The following DPYSL3 variants were observed in gnomAD, a reference collection of about 807,000 sequenced individuals.
DPYSL3 encodes dihydropyrimidinase like 3.
A neutral mutation model predicts 66.1 loss-of-function variants in DPYSL3; 16 were observed. The ratio of observed to expected loss-of-function variants is 0.24; its 90% confidence interval spans 0.16 to 0.37. The LOEUF is 0.37. DPYSL3 is among the 10% of genes least tolerant of loss of function. The probability of loss-of-function intolerance (pLI) is 1.00; values close to 1 mark genes in which losing one functional copy is unlikely to be tolerated. For synonymous variants in DPYSL3, 338 were observed against 345.1 expected (o/e 0.98, Z 0.23); for missense variants, 738 against 916.2 (o/e 0.81, Z 2.51).
intron 1 of DPYSL3, among the ~76,000 whole-genome samples, chr5:147,445,583 C>T (rs944784182): frequency 2.0e-5 from 3 of 152,208 alleles, no homozygotes; most frequent in Admixed American, 6.5e-5. Flanking sequence ...AAAAACCATC[C>T]CTATCCTCAT....
intron 1 of DPYSL3, among the ~76,000 whole-genome samples, chr5:147,484,166 C>A (rs1195416726): frequency 6.6e-6 from 1 of 152,202 alleles, no homozygotes; most frequent in East Asian, 1.9e-4. Context: ...TGCTGCTGGC[C>A]ACTTCATTTG....
At chr5:147,470,482 A>T (rs544613320) in intron 1 of DPYSL3, among the ~76,000 whole-genome samples, 8 of 151,960 alleles carry the variant, frequency 5.3e-5, no homozygotes, top group African/African-American at 1.7e-4. Flanking sequence ...CAACCAGTTT[A>T]TCTCCTTCTT....
chr5:147,409,297 T>G (rs1751796115), intron 6 of DPYSL3, among the ~76,000 whole-genome samples: 1 of 152,236 alleles, frequency 6.6e-6, no homozygotes, highest in Admixed American at 6.5e-5. Flanking sequence ...ACTCATCACT[T>G]ACATCAGAAT....
chr5:147,397,335 G>A (rs895538954), intron 12 of DPYSL3, among the ~76,000 whole-genome samples: 1 of 151,670 alleles, frequency 6.6e-6, no homozygotes, highest in Admixed American at 6.6e-5. Context: ...GTGGATTCTC[G>A]GTTCTCACCT....
Position 147,412,679 on chromosome 5 carries a change from T to G in DPYSL3, c.892A>C (p.Ile298Leu). 6.2e-7 allele frequency: 1 copy of G among 1,611,270 alleles called. No individual in the cohort carries two copies. Among genetic ancestry groups the G allele is most frequent in the Non-Finnish European group, 8.5e-7 (1 of 1,178,650 alleles). The change falls in exon 6 of 14, where the codon ATC becomes CTC. Residue 298 changes from isoleucine (I) to leucine (L), a missense_variant. Ile to Leu is a conservative substitution (Grantham distance 5, BLOSUM62 2). Coordinates refer to ENST00000343218, the MANE Select transcript of DPYSL3 (RefSeq NM_001197294.2). ...YQVSNTELYE[I>L]FTCLGELGAI... ...CCCAGCTCTCCCAGGCAGGTGAAGA[T>G]CTCATAGAGCTGAAATAGAAATGAG... is the stretch of plus-strand genomic sequence containing the variant.
rs543838816 is a variant in DPYSL3 at position 147,397,655 on chromosome 5, A to C, written c.1803+11T>G. 2 of 1,611,302 alleles carry C rather than the reference A, an allele frequency of 1.2e-6. No individual in the cohort carries two copies. The highest frequency in any genetic ancestry group is 2.2e-5 in the South Asian group (2 of 90,906). On this transcript the variant is annotated intron_variant, in intron 12 of 13. Coordinates refer to ENST00000343218, the MANE Select transcript of DPYSL3 (RefSeq NM_001197294.2). ...GCTCCTGCACCACCTCAGAGCTCCA[A>C]TGCTTTTTACCTTCCTCCGTGCTTT... is the stretch of plus-strand genomic sequence containing the variant.
intron 1 of DPYSL3, among the ~76,000 whole-genome samples, chr5:147,450,600 GA>G (rs1400013497): frequency 6.6e-6 from 1 of 152,106 alleles, no homozygotes; most frequent in African/African-American, 2.4e-5. Flanking sequence ...CAGGGACACA[GA>G]AATCTCCCCC....
At chr5:147,433,863 C>A (rs1402995811) in intron 1 of DPYSL3, among the ~76,000 whole-genome samples, 1 of 152,078 alleles carries the variant, frequency 6.6e-6, no homozygotes, top group East Asian at 1.9e-4. Context: ...GAAACCCCGT[C>A]TCTACTAAAA....
chr5:147,413,706 T>A, intron 4 of DPYSL3, 49 bp from the exon 5 acceptor site: 3 of 1,479,490 alleles, frequency 2.0e-6, no homozygotes. Context: ...AACATTATCA[T>A]GACTGTCCTC....
chr5:147,405,834 G>A (rs1758313090), intron 7 of DPYSL3, 104 bp from the exon 8 acceptor site: 1 of 1,452,810 alleles, frequency 6.9e-7, no homozygotes, highest in Non-Finnish European at 9.2e-7. Context: ...AAAGGTTATG[G>A]ATAATTTTGG....
intron 1 of DPYSL3, among the ~76,000 whole-genome samples, chr5:147,506,048 T>C (rs897206178): frequency 2.0e-5 from 3 of 152,196 alleles, no homozygotes; most frequent in Non-Finnish European, 2.9e-5. Flanking sequence ...TTATAACCAT[T>C]TTCTGTGAGG....
chr5:147,471,732 T>C (rs1211280492), intron 1 of DPYSL3, among the ~76,000 whole-genome samples: 1 of 152,132 alleles, frequency 6.6e-6, no homozygotes, highest in Non-Finnish European at 1.5e-5. Flanking sequence ...TAAGGGTACA[T>C]AGAAACTCAT....
chr5:147,415,273 G>C (rs938787881), intron 4 of DPYSL3, among the ~76,000 whole-genome samples: 1 of 152,084 alleles, frequency 6.6e-6, no homozygotes, highest in Non-Finnish European at 1.5e-5. Flanking sequence ...GATAGTAAGG[G>C]TTTGATCTCT....
intron 1 of DPYSL3, among the ~76,000 whole-genome samples, chr5:147,505,875 G>A (rs775247040): frequency 4.4e-4 from 67 of 152,068 alleles, no homozygotes; most frequent in Admixed American, 3.9e-4. Context: ...CTGACACGAC[G>A]GCCAGGCTGG....
intron 1 of DPYSL3, among the ~76,000 whole-genome samples, chr5:147,438,721 AATGTTTCAG>A (rs1474819942): frequency 6.6e-6 from 1 of 152,218 alleles, no homozygotes; most frequent in Non-Finnish European, 1.5e-5. Flanking sequence ...TCTGCTCAGA[AATGTTTCAG>A]ACTGAAGTTT....
At chr5:147,411,234 G>A (rs1751846492) in intron 6 of DPYSL3, among the ~76,000 whole-genome samples, 1 of 152,186 alleles carries the variant, frequency 6.6e-6, no homozygotes. Flanking sequence ...GGGCGAAAGT[G>A]CTGTCAGGGT....
At chr5:147,394,392 ATGACAAAGACG>A (rs1757909342) in intron 13 of DPYSL3, among the ~76,000 whole-genome samples, 2 of 152,198 alleles carry the variant, frequency 1.3e-5, no homozygotes, top group Non-Finnish European at 2.9e-5. Context: ...AAGAAGAACA[ATGACAAAGACG>A]TGACACTCAT....
chr5:147,488,743 A>T (rs1241018451), intron 1 of DPYSL3, among the ~76,000 whole-genome samples: 1 of 152,108 alleles, frequency 6.6e-6, no homozygotes, highest in Non-Finnish European at 1.5e-5. Flanking sequence ...GGCCAGGAGC[A>T]GTGGCTCATC....
Position 147,412,695 on chromosome 5 carries a change from T to G in DPYSL3, c.883-7A>C, listed in dbSNP as rs533832093. On this transcript the variant is annotated splice_polypyrimidine_tract_variant and splice_region_variant and intron_variant, in intron 5 of 13. Coordinates refer to ENST00000343218, the MANE Select transcript of DPYSL3 (RefSeq NM_001197294.2). ...AGGTGAAGATCTCATAGAGCTGAAA[T>G]AGAAATGAGTCTTTGTCACTCTTGC... 6.2e-7 allele frequency: 1 copy of G among 1,607,988 alleles called. No homozygotes were observed. The highest frequency in any genetic ancestry group is 8.5e-7 in the Non-Finnish European group (1 of 1,176,712).
Sources: allele counts gnomAD v4.1 joint callset (sites outside exome capture counted in the v4.1 genomes callset), GRCh38; gene constraint gnomAD v4.1.1; transcripts MANE v1.5; gene names NCBI Gene and HGNC (gene_info 2026-07-23, HGNC 2026-07-21).